Variants in HPS5 observed in about 807,000 individuals in gnomAD.
HPS5 encodes the protein BLOC-2 complex member HPS5.
Under a neutral mutation model 128.0 loss-of-function variants are expected in HPS5, and 83 were observed. The observed-to-expected ratio is 0.65, with a 90% CI of 0.54 to 0.78. The LOEUF (loss-of-function observed/expected upper bound fraction) is 0.78. Among genes scored for constraint, HPS5 ranks in the 30% least tolerant of loss-of-function variants. The pLI is 0.00. For missense variants in HPS5, 1,281 were observed against 1,326.2 expected (o/e 0.97, Z 0.53); for synonymous variants, 475 against 470.2 (o/e 1.01, Z -0.13).
In HPS5 at chr11:18,291,662, C is replaced by T. The variant is rs1223167385; in HGVS notation, c.2220G>A (p.Leu740=). The change falls in exon 16 of 23, where the codon TTG becomes TTA. Residue 740 remains leucine, a synonymous_variant. Transcript: ENST00000349215. ...ASGLRNDLAE[L]TTLCLELNVL... is the part of the protein sequence containing the mutation. ...CATTCAACTCCAAACATAATGTTGT[C>T]AATTCAGCCAGGTCGTTCCGAAGAC... 4 of 1,614,076 alleles carry T rather than the reference C, an allele frequency of 2.5e-6. No homozygotes were observed. The highest frequency in any genetic ancestry group is 3.4e-6 in the Non-Finnish European group (4 of 1,180,042).
In HPS5 at chr11:18,283,055, G is replaced by A. The variant is rs563730393; in HGVS notation, c.3058+740C>T. Among the ~76,000 whole-genome samples, 105 of 152,264 alleles carry A rather than the reference G, an allele frequency of 6.9e-4. 1 individual carries two copies. The South Asian group carries it at 0.021, about 30-fold the overall frequency. ...CTTGCTCTGTTGCCCAAGCTGGAGT[G>A]CAGTGGTGCGATCTCAGCTCACTGC... On this transcript the variant is annotated intron_variant, in intron 21 of 22. Coordinates refer to ENST00000349215, the MANE Select transcript of HPS5 (RefSeq NM_181507.2).
chr11:18,310,253 G>A (rs2134468286), intron 5 of HPS5, among the ~76,000 whole-genome samples: 1 of 152,262 alleles, frequency 6.6e-6, no homozygotes, highest in South Asian at 2.1e-4. Flanking sequence ...CTGCAGAGCA[G>A]AGCAAAGCCA....
intron 3 of HPS5, 57 bp from the exon 4 acceptor site, chr11:18,311,508 A>ATT (rs778669578): frequency 0.015 from 11,373 of 775,010 alleles, 90 homozygotes; most frequent in African/African-American, 0.018. Context: ...TATTATTATT[A>ATT]TTATTTTTTT....
In HPS5 at chr11:18,322,105, T is replaced by C. The variant is rs1864446415; in HGVS notation, c.-209A>G. ...GCAGCTCTCAGTAGATCGGATCTTGTCTCCCGGCTTAGCGCCGGGGAACTC... is the reference window on the plus strand; with the variant it reads ...GCAGCTCTCAGTAGATCGGATCTTGCCTCCCGGCTTAGCGCCGGGGAACTC... On this transcript the variant is annotated 5_prime_UTR_variant, in exon 1 of 23. Coordinates refer to ENST00000349215, the MANE Select transcript of HPS5 (RefSeq NM_181507.2). 6.6e-6 allele frequency: 1 copy of C among 152,304 alleles called. No homozygotes were observed. The highest frequency in any genetic ancestry group is 2.1e-4 in the South Asian group (1 of 4,824). The allele number at this position is 152,304 out of a possible 1,614,324, so 9.4% of individuals were successfully genotyped here.
Position 18,291,527 on chromosome 11 carries a change from C to T in HPS5, c.2355G>A (p.Leu785=). The change falls in exon 16 of 23, where the codon CTG becomes CTA. Residue 785 remains leucine, a synonymous_variant. Transcript: ENST00000349215. ...CQFLKKYFFL[L]NLKRAKESIK... ...TACTCTCCTTCGCTCTTTTCAAGTT[C>T]AGGAGAAAAAAGTACTTCTTCAGGA... The T allele has an allele frequency of 6.2e-7, 1 of 1,610,746 alleles. No individual in the cohort carries two copies. The highest frequency in any genetic ancestry group is 8.5e-7 in the Non-Finnish European group (1 of 1,178,316).
chr11:18,317,059 T>C (rs1219351951), intron 2 of HPS5, among the ~76,000 whole-genome samples: 1 of 151,900 alleles, frequency 6.6e-6, no homozygotes, highest in African/African-American at 2.4e-5. Flanking sequence ...CCAGACGTGG[T>C]GGCGGGCACA....
chr11:18,279,964 A>C (rs1361482836), intron 22 of HPS5, 22 bp from the exon 23 acceptor site: 4 of 1,612,420 alleles, frequency 2.5e-6, no homozygotes, highest in East Asian at 4.5e-5. Context: ...AAGAAAAGAA[A>C]CAAGCAAATT....
chr11:18,305,370 A>G, intron 8 of HPS5, 52 bp downstream of exon 8: 1 of 1,203,704 alleles, frequency 8.3e-7, no homozygotes, highest in South Asian at 1.2e-5. Flanking sequence ...AACAGAGATA[A>G]AAATCTAAGT....
intron 16 of HPS5, among the ~76,000 whole-genome samples, chr11:18,289,557 A>T (rs1208064833): frequency 6.6e-6 from 1 of 151,904 alleles, no homozygotes; most frequent in Non-Finnish European, 1.5e-5. Context: ...ATTTCACACA[A>T]AAGACAATCT....
chr11:18,287,014 T>C, intron 18 of HPS5: 1 of 584,598 alleles, frequency 1.7e-6, no homozygotes, highest in South Asian at 2.1e-5. Context: ...GAGGCTGTAG[T>C]ATGCTATGAT....
rs1236289310 is a variant in HPS5 at position 18,282,103 on chromosome 11, G to C, written c.3176C>G (p.Pro1059Arg). ...LNGSLSDGPS[P>R]INVENVALLL... ...AAGTGCCACATTCTCCACATTGATG[G>C]GGGAAGGCCCATCACTGAGGCTCCC... Residue 1059 changes from proline (P) to arginine (R), a missense_variant, in exon 22 of 23, where the codon CCC becomes CGC. Transcript: ENST00000349215. The C allele has an allele frequency of 2.1e-5, 34 of 1,614,148 alleles. No individual in the cohort carries two copies. Among genetic ancestry groups the C allele is most frequent in the Non-Finnish European group, 2.8e-5 (33 of 1,180,038 alleles).
At chr11:18,284,664 C>CA (rs1357977071) in intron 20 of HPS5, among the ~76,000 whole-genome samples, 3 of 152,128 alleles carry the variant, frequency 2.0e-5, no homozygotes, top group African/African-American at 7.2e-5. Context: ...GCCCTCATTA[C>CA]AATGAACAAA....
intron 1 of HPS5, among the ~76,000 whole-genome samples, chr11:18,319,296 T>C (rs994267606): frequency 3.9e-4 from 30 of 77,534 alleles, no homozygotes; most frequent in Admixed American, 5.8e-4. Flanking sequence ...CACACACACA[T>C]CTTATAAGGG....
chr11:18,283,328 TAA>T (rs34748325), intron 21 of HPS5, among the ~76,000 whole-genome samples: 74 of 124,408 alleles, frequency 5.9e-4, no homozygotes, highest in Admixed American at 8.1e-4. Context: ...AATGGGAAAT[TAA>T]AAAAAAAAAA....
chr11:18,300,698 A>G, intron 9 of HPS5, 130 bp downstream of exon 9: 1 of 20,202 alleles, frequency 4.9e-5, no homozygotes, highest in Non-Finnish European at 9.4e-5. Flanking sequence ...CTTAGTCTCA[A>G]AAAAAAAAAA....
intron 8 of HPS5, among the ~76,000 whole-genome samples, chr11:18,304,569 T>C (rs948642632): frequency 1.3e-5 from 2 of 152,188 alleles, no homozygotes; most frequent in Non-Finnish European, 2.9e-5. Flanking sequence ...CATGAACTGG[T>C]TTTTATCCTT....
In HPS5 at chr11:18,279,837, T is replaced by C. The variant is rs1858634251; in HGVS notation, c.*45A>G. Reference sequence around the variant, plus strand: ...GTTCAGAAGGTTCAGGAGCATGATTTAGTTTTTCTCAAAATGTCATGACAT... The same window carrying C: ...GTTCAGAAGGTTCAGGAGCATGATTCAGTTTTTCTCAAAATGTCATGACAT... On this transcript the variant is annotated 3_prime_UTR_variant, in exon 23 of 23. Coordinates refer to ENST00000349215, the MANE Select transcript of HPS5 (RefSeq NM_181507.2). The C allele has an allele frequency of 6.4e-7, 1 of 1,565,160 alleles. No homozygotes were observed. Among genetic ancestry groups the C allele is most frequent in the African/African-American group, 1.4e-5 (1 of 74,032 alleles).
intron 2 of HPS5, 130 bp downstream of exon 2, chr11:18,317,621 C>G: frequency 1.2e-6 from 1 of 851,526 alleles, no homozygotes; most frequent in Non-Finnish European, 1.9e-6. Flanking sequence ...CTTTTTTTTC[C>G]CCCACAAAAG....
At chr11:18,301,454 C>CAAAAAAAAAAAAAA (rs899074500) in intron 8 of HPS5, among the ~76,000 whole-genome samples, 11 of 51,908 alleles carry the variant, frequency 2.1e-4, no homozygotes, top group Non-Finnish European at 2.4e-4. Context: ...GACTCTGTCT[C>CAAAAAAAAAAAAAA]AAAAAAAAAA....
Sources: allele counts gnomAD v4.1 joint callset (sites outside exome capture counted in the v4.1 genomes callset), GRCh38; gene constraint gnomAD v4.1.1; transcripts MANE v1.5; gene names NCBI Gene and HGNC (gene_info 2026-07-23, HGNC 2026-07-21).